Variants in PCDH15 observed in about 807,000 individuals in gnomAD.
PCDH15 encodes the protein protocadherin related 15.
Under a neutral mutation model 178.5 loss-of-function variants are expected in PCDH15, and 129 were observed. That is an observed-to-expected ratio of 0.72 (90% CI 0.63 to 0.84). The LOEUF (loss-of-function observed/expected upper bound fraction) is 0.84. PCDH15 is among the 40% of genes least tolerant of loss of function. The pLI, the probability that PCDH15 is intolerant of heterozygous loss-of-function variation, is 0.00. For synonymous variants in PCDH15, 800 were observed against 732.0 expected (o/e 1.09, Z -1.50); for missense variants, 2,230 against 2,099.9 (o/e 1.06, Z -1.21).
intron 32 of PCDH15, among the ~76,000 whole-genome samples, chr10:53,824,478 C>T (rs1229163316): frequency 2.0e-5 from 3 of 152,088 alleles, no homozygotes; most frequent in East Asian, 1.9e-4. Context: ...ATAGTTTAGG[C>T]AACAAAATAA....
At position 54,023,189 on chromosome 10, in the gene PCDH15, G is replaced by C; in HGVS notation, c.2229C>G (p.Asp743Glu). The C allele has an allele frequency of 6.2e-7, 1 of 1,613,126 alleles. No individual in the cohort carries two copies. Among genetic ancestry groups the C allele is most frequent in the Non-Finnish European group, 8.5e-7 (1 of 1,179,734 alleles). The stretch of plus-strand genomic sequence containing the variant: ...CTTGACCATTTATTCCAGCATCAGG[G>C]TCTGTTGCCTATTAAATAAAACAAA... Reference protein sequence around the residue: ...NAFVGQVKATDPDAGINGQVH... With the variant: ...NAFVGQVKATEPDAGINGQVH... The change falls in exon 19 of 38, where the codon GAC (aspartate) becomes GAG (glutamate). Residue 743 changes from aspartate (D) to glutamate (E), a missense_variant. Coordinates refer to ENST00000644397, the MANE Select transcript of PCDH15 (RefSeq NM_001384140.1).
At chr10:53,837,608 T>C (rs1342907595) in intron 29 of PCDH15, among the ~76,000 whole-genome samples, 1 of 152,138 alleles carries the variant, frequency 6.6e-6, no homozygotes, top group African/African-American at 2.4e-5. Context: ...TGAAAGGAAA[T>C]TGAAAGAACA....
chr10:54,580,224 G>T (rs560932043), intron 2 of PCDH15, among the ~76,000 whole-genome samples: 1 of 152,016 alleles, frequency 6.6e-6, no homozygotes, highest in South Asian at 2.1e-4. Context: ...TAAACCTCCA[G>T]CTAGATGAAC....
intron 3 of PCDH15, among the ~76,000 whole-genome samples, chr10:54,446,714 T>G (rs920246984): frequency 2.0e-5 from 3 of 151,508 alleles, no homozygotes; most frequent in African/African-American, 7.3e-5. Context: ...TTGGGCCCCT[T>G]GAGATTTTAG....
chr10:54,385,189 G>GT (rs1426207415), intron 3 of PCDH15, among the ~76,000 whole-genome samples: 7 of 151,898 alleles, frequency 4.6e-5, no homozygotes, highest in African/African-American at 7.2e-5. Flanking sequence ...AGAAAATGTG[G>GT]TTTTTTAGTA....
chr10:54,983,638 A>G (rs1359605577), intron 2 of PCDH15, among the ~76,000 whole-genome samples: 2 of 152,120 alleles, frequency 1.3e-5, no homozygotes, highest in Non-Finnish European at 2.9e-5. Context: ...ATCTCACTAA[A>G]TGTTATTATA....
chr10:54,182,506 AGT>A (rs71007813), intron 13 of PCDH15, among the ~76,000 whole-genome samples: 41,959 of 147,674 alleles, frequency 0.28, 6,371 homozygotes, highest in Non-Finnish European at 0.36. Context: ...AGAGAAAAAA[AGT>A]GTGTGTGTGT....
intron 1 of PCDH15, among the ~76,000 whole-genome samples, chr10:54,665,316 A>C (rs2094553615): frequency 6.6e-6 from 1 of 152,028 alleles, no homozygotes; most frequent in Non-Finnish European, 1.5e-5. Flanking sequence ...AAGAGAAGGC[A>C]GAAATCCAAA....
chr10:54,643,868 G>A (rs1341885691), intron 2 of PCDH15, among the ~76,000 whole-genome samples: 2 of 147,850 alleles, frequency 1.4e-5, no homozygotes, highest in Non-Finnish European at 3.0e-5. Context: ...TGCACAATGT[G>A]CAGGTTAGTT....
chr10:55,420,601 A>T (rs546955224), intron 2 of PCDH15, among the ~76,000 whole-genome samples: 61 of 151,760 alleles, frequency 4.0e-4, no homozygotes, highest in Non-Finnish European at 7.5e-4. Context: ...GCTGTCTTAG[A>T]CTGGAGCATG....
intron 2 of PCDH15, among the ~76,000 whole-genome samples, chr10:55,154,192 C>T (rs1307100216): frequency 6.6e-6 from 1 of 152,036 alleles, no homozygotes; most frequent in Non-Finnish European, 1.5e-5. Context: ...TTTTACACTA[C>T]TTAAGTATGT....
chr10:55,099,801 CTAT>C (rs1359934358), intron 2 of PCDH15, among the ~76,000 whole-genome samples: 2 of 152,000 alleles, frequency 1.3e-5, no homozygotes, highest in Non-Finnish European at 2.9e-5. Flanking sequence ...AGACAGATGA[CTAT>C]TATTTTTAAC....
intron 2 of PCDH15, among the ~76,000 whole-genome samples, chr10:54,565,575 T>C (rs1462800035): frequency 1.3e-5 from 2 of 152,216 alleles, no homozygotes; most frequent in African/African-American, 4.8e-5. Flanking sequence ...GATGATGATG[T>C]CAACAATGGG....
At chr10:54,744,707 T>C (rs2099730931) in intron 1 of PCDH15, among the ~76,000 whole-genome samples, 1 of 152,178 alleles carries the variant, frequency 6.6e-6, no homozygotes. Context: ...TAACAGAATT[T>C]GTATTTTAAG....
At chr10:55,605,146 A>G (rs1843184663) in intron 2 of PCDH15, among the ~76,000 whole-genome samples, 1 of 151,482 alleles carries the variant, frequency 6.6e-6, no homozygotes, top group African/African-American at 2.4e-5. Context: ...GAAAATCTAC[A>G]AGAAATGGAT....
intron 1 of PCDH15, among the ~76,000 whole-genome samples, chr10:55,224,155 GCAC>G (rs1840961885): frequency 6.6e-6 from 1 of 152,026 alleles, no homozygotes; most frequent in Non-Finnish European, 1.5e-5. Flanking sequence ...GAGCCAGATT[GCAC>G]CACTGCACTC....
chr10:55,208,037 TAATG>T (rs1259091751), intron 1 of PCDH15, among the ~76,000 whole-genome samples: 1 of 152,152 alleles, frequency 6.6e-6, no homozygotes, highest in Non-Finnish European at 1.5e-5. Context: ...GGATTTATTG[TAATG>T]AATGAATAAA....
chr10:54,149,849 A>T (rs1286288976), intron 14 of PCDH15, among the ~76,000 whole-genome samples: 1 of 152,152 alleles, frequency 6.6e-6, no homozygotes, highest in African/African-American at 2.4e-5. Context: ...TGGAATGCTA[A>T]TAACCAAAGT....
rs149787189 is a variant in PCDH15 at position 54,390,845 on chromosome 10, G to A, written c.158-11903C>T. Among the ~76,000 whole-genome samples, 715 of 152,206 alleles carry A rather than the reference G, an allele frequency of 4.7e-3. 4 individuals are homozygous for A. Among genetic ancestry groups the A allele is most frequent in the African/African-American group, 0.017 (687 of 41,520 alleles). On this transcript the variant is annotated intron_variant, in intron 3 of 37. Coordinates refer to ENST00000644397, the MANE Select transcript of PCDH15 (RefSeq NM_001384140.1). ...CTAGCCAGAAAGTTCATGAAATTGAGATATTCAATGTTTTCACCATTATCA... is the reference window on the plus strand; with the variant it reads ...CTAGCCAGAAAGTTCATGAAATTGAAATATTCAATGTTTTCACCATTATCA...
Sources: allele counts gnomAD v4.1 joint callset (sites outside exome capture counted in the v4.1 genomes callset), GRCh38; gene constraint gnomAD v4.1.1; transcripts MANE v1.5; gene names NCBI Gene and HGNC (gene_info 2026-07-23, HGNC 2026-07-21).